Variants in KRIT1 observed in about 807,000 individuals in gnomAD.
KRIT1 encodes the protein krev interaction trapped protein 1.
A neutral mutation model predicts 95.8 loss-of-function variants in KRIT1; 45 were observed. The ratio of observed to expected loss-of-function variants is 0.47; its 90% CI spans 0.37 to 0.60. KRIT1 has a LOEUF of 0.60. Among genes scored for constraint, KRIT1 ranks in the 20% least tolerant of loss-of-function variants. The probability of loss-of-function intolerance (pLI) is 0.00; values close to 1 mark genes in which losing one functional copy is unlikely to be tolerated. For synonymous variants in KRIT1, 282 were observed against 278.8 expected (o/e 1.01, Z -0.11); for missense variants, 788 against 877.5 (o/e 0.90, Z 1.29).
downstream of KRIT1, chr7:92,199,328 T>A (rs1789734007): frequency 1.3e-5 from 2 of 152,222 alleles, no homozygotes; most frequent in African/African-American, 4.8e-5. Flanking sequence ...CCATTAAAAA[T>A]AAGCAGAAGT....
chr7:92,204,984 A>G (rs1200013633), intron 17 of KRIT1, among the ~76,000 whole-genome samples: 2 of 152,180 alleles, frequency 1.3e-5, no homozygotes, highest in Non-Finnish European at 2.9e-5. Flanking sequence ...ATAACCCTGA[A>G]AATTAATATA....
rs911156090 is a variant in KRIT1, at chr7:92,199,779, T to A, written c.*957A>T. 6.6e-6 allele frequency: 1 copy of A among 152,120 alleles called. No individual in the cohort carries two copies. The highest frequency in any genetic ancestry group is 1.9e-4 in the East Asian group (1 of 5,190). The allele number at this position is 152,120 out of a possible 1,614,324, so 9.4% of individuals were successfully genotyped here. On this transcript the variant is annotated 3_prime_UTR_variant, in exon 19 of 19. Transcript: ENST00000394505. ...GCAAAAAAGAAAAAACAAAACCAAA[T>A]TTAAGTTCACAAGGCCATGCTACTT... is the stretch of plus-strand genomic sequence containing the variant.
In KRIT1 at chr7:92,222,033, G is replaced by A. The variant is rs1278875683; in HGVS notation, c.1432C>T (p.His478Tyr). Residue 478 changes from histidine (H) to tyrosine (Y), a missense_variant, in exon 14 of 19, where the codon CAT becomes TAT. Coordinates refer to ENST00000394505, the MANE Select transcript of KRIT1 (RefSeq NM_194454.3). The part of the protein sequence containing the change: ...ENLSLQLKPY[H>Y]KPLQHVRDWP... Reference sequence around the variant, plus strand: ...TCACGAACATGTTGCAAGGGTTTATGATATGGTTTGAGTTGAAGGCCTGAA... The same window carrying A: ...TCACGAACATGTTGCAAGGGTTTATAATATGGTTTGAGTTGAAGGCCTGAA... The A allele has an allele frequency of 6.2e-7, 1 of 1,613,524 alleles. No homozygotes were observed. Among genetic ancestry groups the A allele is most frequent in the Non-Finnish European group, 8.5e-7 (1 of 1,179,536 alleles).
At chr7:92,238,041 A>G (rs550826576) in intron 5 of KRIT1, among the ~76,000 whole-genome samples, 1 of 152,292 alleles carries the variant, frequency 6.6e-6, no homozygotes, top group South Asian at 2.1e-4. Context: ...GCAGATCAAC[A>G]ATGTACTCTG....
chr7:92,225,975 G>C, intron 11 of KRIT1, 148 bp from the exon 12 acceptor site: 1 of 610,992 alleles, frequency 1.6e-6, no homozygotes, highest in Non-Finnish European at 2.9e-6. Flanking sequence ...TATGTATTAT[G>C]TTTAGAATAA....
chr7:92,223,656 C>G (rs1186306513), intron 12 of KRIT1, among the ~76,000 whole-genome samples: 2 of 151,998 alleles, frequency 1.3e-5, no homozygotes, highest in African/African-American at 2.4e-5. Context: ...TAGTGTTCGT[C>G]AAGTACTTCA....
chr7:92,222,122 G>C, intron 13 of KRIT1, 69 bp from the exon 14 acceptor site: 1 of 1,173,442 alleles, frequency 8.5e-7, no homozygotes, highest in Non-Finnish European at 1.3e-6. Context: ...TAGAAACTTT[G>C]TATTAAACTG....
intron 12 of KRIT1, 21 bp downstream of exon 12, chr7:92,225,683 TACTATGCCTGGCTCTA>T: frequency 9.2e-7 from 1 of 1,091,100 alleles, no homozygotes; most frequent in Middle Eastern, 2.8e-4. Flanking sequence ...TTAATTTAAA[TACTATGCCTGGCTCTA>T]ACTATGAAGA....
At chr7:92,233,191 CACACAT>C (rs1055261188) in intron 10 of KRIT1, among the ~76,000 whole-genome samples, 12 of 132,648 alleles carry the variant, frequency 9.0e-5, no homozygotes, top group South Asian at 4.8e-4. Flanking sequence ...CACACACACA[CACACAT>C]ATAAAGCAAC....
At chr7:92,225,598 T>C in intron 12 of KRIT1, 122 bp downstream of exon 12, 2 of 696,060 alleles carry the variant, frequency 2.9e-6, no homozygotes, top group Non-Finnish European at 5.2e-6. Context: ...TGGCCTACAA[T>C]GAGGTTTTAT....
Position 92,200,731 on chromosome 7 carries a change from C to G in KRIT1, c.*5G>C, listed in dbSNP as rs937070809. On this transcript the variant is annotated 3_prime_UTR_variant, in exon 19 of 19. Coordinates refer to ENST00000394505, the MANE Select transcript of KRIT1 (RefSeq NM_194454.3). Reference sequence around the variant, plus strand: ...GTGGTGGCTTGAGTAACAGTTACTTCTCTTTCATGAATTTCTTTCAGTGGG... The same window carrying G: ...GTGGTGGCTTGAGTAACAGTTACTTGTCTTTCATGAATTTCTTTCAGTGGG... The G allele has an allele frequency of 1.3e-6, 2 of 1,577,406 alleles. No individual in the cohort carries two copies. Among genetic ancestry groups the G allele is most frequent in the Non-Finnish European group, 1.7e-6 (2 of 1,146,568 alleles).
At chr7:92,209,630 T>C (rs1475318078) in intron 17 of KRIT1, among the ~76,000 whole-genome samples, 1 of 152,020 alleles carries the variant, frequency 6.6e-6, no homozygotes, top group Non-Finnish European at 1.5e-5. Flanking sequence ...AAAAATCAAA[T>C]AATTGAGAAT....
chr7:92,224,808 T>C lies in KRIT1; in HGVS notation c.1254+912A>G, dbSNP rs117111780. 1.6e-3 allele frequency among the ~76,000 whole-genome samples: 251 copies of C among 152,280 alleles called. 7 individuals are homozygous for C. The East Asian group carries it at 0.041, about 25-fold the overall frequency. ...TGTGCAATGCTTTCATTTAAAAATA[T>C]AAAATGTTGCTTAAGAGACCTAAGT... On this transcript the variant is annotated intron_variant, in intron 12 of 18. Transcript: ENST00000394505.
intron 8 of KRIT1, 65 bp downstream of exon 8, chr7:92,235,338 G>GA: frequency 1.8e-5 from 27 of 1,519,328 alleles, no homozygotes; most frequent in South Asian, 3.4e-5. Flanking sequence ...TATATCTCAG[G>GA]AAAAAAAATT....
chr7:92,242,106 T>G lies in KRIT1; in HGVS notation c.30A>C (p.Ala10=), dbSNP rs148129616. 1 of 1,601,336 alleles carries G rather than the reference T, an allele frequency of 6.2e-7. No homozygotes were observed. Among genetic ancestry groups the G allele is most frequent in the African/African-American group, 1.3e-5 (1 of 74,658 alleles). The change falls in exon 4 of 19, where the codon GCA becomes GCC. Residue 10 remains alanine, a synonymous_variant. Coordinates refer to ENST00000394505, the MANE Select transcript of KRIT1 (RefSeq NM_194454.3). MGNPENIED[A]YVAVIRPKNT... ...TCTTTGGACGAATAACAGCAACATA[T>G]GCATCTTCTATGTTTTCTGGATTTC...
chr7:92,217,356 A>G (rs1352602192), intron 14 of KRIT1, among the ~76,000 whole-genome samples: 4 of 152,236 alleles, frequency 2.6e-5, no homozygotes, highest in Non-Finnish European at 5.9e-5. Flanking sequence ...TTGTGCTACC[A>G]TCACTACTAT....
At chr7:92,213,839 C>T in intron 16 of KRIT1, 53 bp downstream of exon 16, 2 of 1,038,950 alleles carry the variant, frequency 1.9e-6, no homozygotes, top group Non-Finnish European at 3.0e-6. Context: ...ATAACACTAA[C>T]AAAGTTTCAA....
intron 17 of KRIT1, among the ~76,000 whole-genome samples, chr7:92,203,156 C>A (rs10227997): frequency 4.6e-5 from 7 of 152,184 alleles, no homozygotes; most frequent in Non-Finnish European, 7.3e-5. Flanking sequence ...CAACTGTGTC[C>A]CATGGCTTTT....
chr7:92,202,140 C>T (rs1022891770), intron 17 of KRIT1: 2 of 152,182 alleles, frequency 1.3e-5, no homozygotes, highest in African/African-American at 4.8e-5. Flanking sequence ...CTTCAACAAT[C>T]TCATCCCACT....
Sources: gnomAD v4.1 joint callset for allele counts (sites outside exome capture counted in the v4.1 genomes callset) on GRCh38, gnomAD v4.1.1 for gene constraint, MANE v1.5 for transcripts, NCBI Gene and HGNC (gene_info 2026-07-23, HGNC 2026-07-21) for gene names.